Variants in VRK2 observed in about 807,000 individuals in gnomAD.
The protein encoded by VRK2 is serine/threonine-protein kinase VRK2.
In VRK2, 60 loss-of-function variants were observed where a neutral mutation model predicts 57.6. The ratio of observed to expected loss-of-function variants is 1.04; its 90% CI spans 0.85 to 1.29. The LOEUF (loss-of-function observed/expected upper bound fraction) is 1.29, where lower values mean the gene tolerates loss of function less well. Among genes scored for constraint, VRK2 ranks in the 50% most tolerant of loss-of-function variants. The pLI is 0.00. For synonymous variants in VRK2, 231 were observed against 199.2 expected, an observed-to-expected ratio of 1.16 and a Z score of -1.35; for missense variants, 705 against 588.1, an observed-to-expected ratio of 1.20 and a Z score of -2.06.
chr2:57,914,405 T>A (rs966217285), intron 1 of VRK2, among the ~76,000 whole-genome samples: 1 of 152,070 alleles, frequency 6.6e-6, no homozygotes, highest in African/African-American at 2.4e-5. Context: ...TATAACTCTA[T>A]CCCGATTCAT....
At chr2:58,029,494 A>G (rs906746019) in intron 2 of VRK2, among the ~76,000 whole-genome samples, 6 of 152,164 alleles carry the variant, frequency 3.9e-5, no homozygotes, top group African/African-American at 1.4e-4. Flanking sequence ...CTAACATTTA[A>G]AGAAAAAGTT....
At chr2:58,132,499 A>G (rs1326856427) in intron 9 of VRK2, among the ~76,000 whole-genome samples, 1 of 152,222 alleles carries the variant, frequency 6.6e-6, no homozygotes, top group Non-Finnish European at 1.5e-5. Context: ...TTCGGCTAGC[A>G]TAAAAATTAG....
At chr2:58,068,221 A>G (rs909250059) in intron 2 of VRK2, among the ~76,000 whole-genome samples, 2 of 152,058 alleles carry the variant, frequency 1.3e-5, no homozygotes, top group Non-Finnish European at 2.9e-5. Context: ...TTTGTACTTC[A>G]ATATCTTTCT....
chr2:58,156,612 T>C lies in VRK2; in HGVS notation c.1183-2737T>C, dbSNP rs553150513. On this transcript the variant is annotated intron_variant, in intron 12 of 12. Coordinates refer to ENST00000340157, the MANE Select transcript of VRK2 (RefSeq NM_006296.7). ...TGTTTTGTTTTGTTTTGTTTTGTTT[T>C]GTTTTTGCCTGACCTCTAGTTGATT... Among the ~76,000 whole-genome samples, 6 of 148,438 alleles carry C rather than the reference T, an allele frequency of 4.0e-5. No homozygotes were observed. In the East Asian group the frequency reaches 1.2e-3, roughly 29 times the overall value.
At chr2:58,155,744 C>T (rs1053544898) in intron 12 of VRK2, among the ~76,000 whole-genome samples, 37 of 146,154 alleles carry the variant, frequency 2.5e-4, no homozygotes, top group African/African-American at 9.4e-4. Flanking sequence ...GCCACCTCCC[C>T]ACCGCCCCCA....
chr2:57,988,690 C>T (rs1207187465), intron 1 of VRK2, among the ~76,000 whole-genome samples: 3 of 152,114 alleles, frequency 2.0e-5, no homozygotes, highest in East Asian at 1.9e-4. Context: ...AGACACAGAC[C>T]GATACCACCT....
chr2:58,109,919 G>A (rs549489758), intron 7 of VRK2, among the ~76,000 whole-genome samples: 1 of 151,994 alleles, frequency 6.6e-6, no homozygotes, highest in Non-Finnish European at 1.5e-5. Context: ...AAAATCAGAG[G>A]GTTCTTTTTA....
intron 2 of VRK2, among the ~76,000 whole-genome samples, chr2:58,063,852 C>T (rs1407166858): frequency 6.6e-6 from 1 of 152,078 alleles, no homozygotes; most frequent in Non-Finnish European, 1.5e-5. Flanking sequence ...ATGCCATTAA[C>T]AGCATTCATG....
At chr2:57,927,028 G>GTGTGTGTGTC (rs1368129207) in intron 1 of VRK2, among the ~76,000 whole-genome samples, 1 of 151,044 alleles carries the variant, frequency 6.6e-6, no homozygotes, top group Non-Finnish European at 1.5e-5. Context: ...GTGTGTGTGT[G>GTGTGTGTGTC]TGTCTGTCGT....
intron 1 of VRK2, among the ~76,000 whole-genome samples, chr2:57,947,846 C>T (rs923166348): frequency 6.6e-6 from 1 of 152,156 alleles, no homozygotes; most frequent in Non-Finnish European, 1.5e-5. Flanking sequence ...ATATCATTCT[C>T]GTAACATTCC....
Position 58,063,853 on chromosome 2 carries a change from A to G in VRK2, c.136+14886A>G, listed in dbSNP as rs1288408448. Among the ~76,000 whole-genome samples the G allele has an allele frequency of 3.3e-5, 5 of 152,270 alleles. No homozygotes were observed. In the South Asian group the frequency reaches 8.3e-4, roughly 25 times the overall value. ...GATTCACCATCCAGATGCCATTAAC[A>G]GCATTCATGATTCAGGGAAGGAGAT... is the stretch of plus-strand genomic sequence containing the variant. On this transcript the variant is annotated intron_variant, in intron 2 of 12. Transcript: ENST00000340157.
At chr2:57,976,041 G>A (rs950471929) in intron 1 of VRK2, among the ~76,000 whole-genome samples, 2 of 151,966 alleles carry the variant, frequency 1.3e-5, no homozygotes, top group African/African-American at 4.8e-5. Context: ...TCTGTGATAA[G>A]TCACTTAGGA....
At chr2:57,909,803 A>C (rs949874915) in intron 1 of VRK2, among the ~76,000 whole-genome samples, 1 of 152,178 alleles carries the variant, frequency 6.6e-6, no homozygotes, top group East Asian at 1.9e-4. Flanking sequence ...ATCTGTCAAG[A>C]ATTGATATTG....
intron 2 of VRK2, among the ~76,000 whole-genome samples, chr2:58,068,845 G>A (rs1208413559): frequency 1.4e-5 from 2 of 146,860 alleles, no homozygotes; most frequent in Non-Finnish European, 3.0e-5. Context: ...ACTCGGTTAT[G>A]TATCTTTTAG....
chr2:57,989,562 A>AT (rs1291813386), intron 1 of VRK2, among the ~76,000 whole-genome samples: 2 of 152,146 alleles, frequency 1.3e-5, no homozygotes, highest in Non-Finnish European at 2.9e-5. Context: ...GACTGATGAT[A>AT]TATTATTTTT....
intron 1 of VRK2, among the ~76,000 whole-genome samples, chr2:57,963,271 T>C (rs894654688): frequency 1.3e-5 from 2 of 152,180 alleles, no homozygotes; most frequent in Non-Finnish European, 2.9e-5. Context: ...CATGTGTCTG[T>C]AGTCTGTTTT....
chr2:57,990,980 T>A (rs1418148260), intron 1 of VRK2, among the ~76,000 whole-genome samples: 1 of 151,986 alleles, frequency 6.6e-6, no homozygotes, highest in African/African-American at 2.4e-5. Context: ...CCCATGTCCA[T>A]AGGGATAGAT....
At chr2:58,138,735 A>G (rs1680900009) in intron 10 of VRK2, among the ~76,000 whole-genome samples, 1 of 152,202 alleles carries the variant, frequency 6.6e-6, no homozygotes, top group South Asian at 2.1e-4. Context: ...GAAAGTAAGA[A>G]GTACTTGAGT....
chr2:58,139,865 AC>A, intron 11 of VRK2, 33 bp downstream of exon 11: 1 of 1,552,502 alleles, frequency 6.4e-7, no homozygotes, highest in Non-Finnish European at 8.7e-7. Context: ...TCCTATGATT[AC>A]CTTCTATGAT....
Sources: allele counts gnomAD v4.1 joint callset (sites outside exome capture counted in the v4.1 genomes callset), GRCh38; gene constraint gnomAD v4.1.1; transcripts MANE v1.5; gene names NCBI Gene and HGNC (gene_info 2026-07-23, HGNC 2026-07-21).